The following ISL1 variants were observed in gnomAD, a reference collection of about 807,000 sequenced individuals.
ISL1 encodes insulin gene enhancer protein ISL-1.
In ISL1, 4 loss-of-function variants were observed where a neutral mutation model predicts 35.3. That is an observed-to-expected ratio of 0.11 (90% confidence interval 0.06 to 0.26). The LOEUF (loss-of-function observed/expected upper bound fraction) is 0.26, where lower values mean the gene tolerates loss of function less well. ISL1 is among the 10% of genes least tolerant of loss of function. The pLI, the probability that ISL1 is intolerant of heterozygous loss-of-function variation, is 1.00. For synonymous variants in ISL1, 186 were observed against 172.3 expected (o/e 1.08, Z -0.62); for missense variants, 340 against 472.8 (o/e 0.72, Z 2.60).
intron 4 of ISL1, 112 bp downstream of exon 4, chr5:51,390,044 A>C: frequency 7.7e-7 from 1 of 1,305,006 alleles, no homozygotes; most frequent in South Asian, 1.4e-5. Context: ...CCTGGGCAGG[A>C]GTTTGGCCGG....
Position 51,391,369 on chromosome 5 carries a change from C to T in ISL1, c.861C>T (p.Tyr287=). ...CTAACCCAGTGGAAGTACAAAGTTA[C>T]CAGCCACCTTGGAAAGTACTGAGCG... is the stretch of plus-strand genomic sequence containing the variant. ...LQANPVEVQS[Y]QPPWKVLSDF... The change falls in exon 5 of 6, where the codon TAC becomes TAT. Residue 287 remains tyrosine, a synonymous_variant. Transcript: ENST00000230658. The T allele has an allele frequency of 1.2e-6, 2 of 1,614,192 alleles. No homozygotes were observed. The highest frequency in any genetic ancestry group is 8.5e-7 in the Non-Finnish European group (1 of 1,180,044).
At position 51,389,549 on chromosome 5, in the gene ISL1, G is replaced by A. The variant is rs1220285254; in HGVS notation, c.479-97G>A. 7.9e-6 allele frequency: 9 copies of A among 1,136,256 alleles called. No individual in the cohort carries two copies. Among genetic ancestry groups the A allele is most frequent in the Non-Finnish European group, 1.0e-5 (9 of 869,946 alleles). 70.4% of individuals were successfully genotyped at this position (1,136,256 alleles called of 1,614,324 possible). A position where few individuals can be genotyped will look rare whatever the true frequency, so the allele number is the denominator to read the frequency against. On this transcript the variant is annotated intron_variant, in intron 3 of 5. Coordinates refer to ENST00000230658, the MANE Select transcript of ISL1 (RefSeq NM_002202.3). The surrounding 1 kb of genome is among the most constrained non-coding windows in gnomAD (Gnocchi z 5.0). Reference sequence around the variant, plus strand: ...GGCGGGCGAGCAAGTAAGCGGGCGGGCGGGCGGGCAAGCGAGCGAGCGAGC... The same window carrying A: ...GGCGGGCGAGCAAGTAAGCGGGCGGACGGGCGGGCAAGCGAGCGAGCGAGC...
Position 51,393,582 on chromosome 5 carries a change from G to T in ISL1, c.1022G>T (p.Ser341Ile). 1.2e-6 allele frequency: 2 copies of T among 1,610,372 alleles called. No individual in the cohort carries two copies. Among genetic ancestry groups the T allele is most frequent in the Non-Finnish European group, 1.7e-6 (2 of 1,176,600 alleles). Residue 341 changes from serine to isoleucine, a missense_variant, in exon 6 of 6, where the codon AGC becomes ATC. By Grantham distance (142) the Ser-to-Ile change is moderately radical. This residue lies in a region of ISL1 where 104 missense variants were observed against 97.3 expected (regional missense o/e 1.07). Transcript: ENST00000230658. ...TCTCAACTTCCAGATACACCTAACA[G>T]CATGGTAGCCAGTCCTATTGAGGCA... ...MSSQLPDTPN[S>I]MVASPIEA
chr5:51,386,972 C>T (rs1350632863), intron 2 of ISL1, among the ~76,000 whole-genome samples: 1 of 152,062 alleles, frequency 6.6e-6, no homozygotes, highest in Non-Finnish European at 1.5e-5. Context: ...CCTTCTCCTA[C>T]CTCCTTTTTT....
rs1380961802 is a variant in ISL1, at chr5:51,387,183, C to T, written c.219-307C>T. Among the ~76,000 whole-genome samples, 1 of 151,734 alleles carries T rather than the reference C, an allele frequency of 6.6e-6. No individual in the cohort carries two copies. The highest frequency in any genetic ancestry group is 1.5e-5 in the Non-Finnish European group (1 of 68,002). ...ACCCATCAATACATTTTCTGTGGTA[C>T]AAGCTAGGTGTTTTGAGCTAAGAGT... On this transcript the variant is annotated intron_variant, in intron 2 of 5. Coordinates refer to ENST00000230658, the MANE Select transcript of ISL1 (RefSeq NM_002202.3). The surrounding 1 kb of genome is among the most constrained non-coding windows in gnomAD (Gnocchi z 4.3).
chr5:51,390,642 CTTTTTTTTT>C (rs57707586), intron 4 of ISL1, among the ~76,000 whole-genome samples: 171 of 40,174 alleles, frequency 4.3e-3, no homozygotes, highest in Admixed American at 4.5e-3. Flanking sequence ...CTTTCTTTTT[CTTTTTTTTT>C]TTTTTTTTTT....
chr5:51,384,966 CTTGTTTAATTACTCTTGGAGT>C (rs1747308759), intron 2 of ISL1, among the ~76,000 whole-genome samples: 1 of 152,150 alleles, frequency 6.6e-6, no homozygotes, highest in Admixed American at 6.5e-5. Flanking sequence ...GGTATTGAGG[CTTGTTTAATTACTCTTGGAGT>C]TTATGATGCA....
At chr5:51,393,048 C>T (rs1391064423) in intron 5 of ISL1, among the ~76,000 whole-genome samples, 1 of 152,148 alleles carries the variant, frequency 6.6e-6, no homozygotes, top group Non-Finnish European at 1.5e-5. Context: ...AGCCTCCTCT[C>T]AATCTCCTGT....
In ISL1 at chr5:51,389,292, A is replaced by C. The variant is rs1463454085; in HGVS notation, c.479-354A>C. 6.6e-6 allele frequency among the ~76,000 whole-genome samples: 1 copy of C among 151,694 alleles called. No individual in the cohort carries two copies. Among genetic ancestry groups the C allele is most frequent in the Non-Finnish European group, 1.5e-5 (1 of 67,950 alleles). ...AGGAGAAACAGTGCTGAAAAATGCCACCCCTGCTGTGAACAGGGGGACAGA... is the reference window on the plus strand; with the variant it reads ...AGGAGAAACAGTGCTGAAAAATGCCCCCCCTGCTGTGAACAGGGGGACAGA... On this transcript the variant is annotated intron_variant, in intron 3 of 5. Transcript: ENST00000230658. The surrounding 1 kb of genome is among the most constrained non-coding windows in gnomAD (Gnocchi z 5.0).
In ISL1 at chr5:51,393,389, T is replaced by A. The variant is rs74437520; in HGVS notation, c.934-105T>A. Reference sequence around the variant, plus strand: ...AGTTATCTATGTGAATATCTTTACATATCTATCTACACAAACATTTCTACA... The same window carrying A: ...AGTTATCTATGTGAATATCTTTACAAATCTATCTACACAAACATTTCTACA... On this transcript the variant is annotated intron_variant, in intron 5 of 5. Coordinates refer to ENST00000230658, the MANE Select transcript of ISL1 (RefSeq NM_002202.3). 2,314 of 759,076 alleles carry A rather than the reference T, an allele frequency of 3.0e-3. 46 individuals are homozygous for A. The African/African-American group carries it at 0.037, about 12-fold the overall frequency. 47.0% of individuals were successfully genotyped at this position (759,076 alleles called of 1,614,324 possible).
chr5:51,388,325 G>A lies in ISL1; in HGVS notation c.478+576G>A, dbSNP rs566818384. On this transcript the variant is annotated intron_variant, in intron 3 of 5. Coordinates refer to ENST00000230658, the MANE Select transcript of ISL1 (RefSeq NM_002202.3). ...TTTAAAAACTGCAGGCCATTGCACA[G>A]AGTTGTAATATAAAACTGTCAACAA... 3.3e-5 allele frequency among the ~76,000 whole-genome samples: 5 copies of A among 152,310 alleles called. 1 individual carries two copies. The highest frequency in any genetic ancestry group is 3.3e-4 in the Admixed American group (5 of 15,298).
At position 51,385,264 on chromosome 5, in the gene ISL1, A is replaced by T. The variant is rs138240382; in HGVS notation, c.218+534A>T. Among the ~76,000 whole-genome samples, 1,021 of 152,258 alleles carry T rather than the reference A, an allele frequency of 6.7e-3. 20 individuals carry two copies. Among genetic ancestry groups the T allele is most frequent in the African/African-American group, 0.023 (960 of 41,550 alleles). The stretch of plus-strand genomic sequence containing the variant: ...TTGCTCCTTTTATTTTTGGGGTAAG[A>T]CCTCCTTCTGAGAAAAATTTAAAAC... On this transcript the variant is annotated intron_variant, in intron 2 of 5. Coordinates refer to ENST00000230658, the MANE Select transcript of ISL1 (RefSeq NM_002202.3).
rs2111847919 is a variant in ISL1, at chr5:51,389,647, G to A, written c.480G>A (p.Ala160=). 5.0e-6 allele frequency: 8 copies of A among 1,607,838 alleles called. 1 individual carries two copies. Among genetic ancestry groups the A allele is most frequent in the Non-Finnish European group, 6.8e-6 (8 of 1,179,218 alleles). The change falls in exon 4 of 6, where the codon GCG becomes GCA. Residue 160 remains alanine (A), a splice_region_variant and synonymous_variant. Coordinates refer to ENST00000230658, the MANE Select transcript of ISL1 (RefSeq NM_002202.3). This position sits in a 1 kb window ranked among gnomAD's most constrained non-coding sequence, Gnocchi z 5.0. ...LHPARPLQMA[A]EPISARQPAL... ...CTCACGGCGCTCCTTGCCCCGCAGC[G>A]GAGCCCATCTCCGCCAGGCAGCCAG... is the stretch of plus-strand genomic sequence containing the variant.
Position 51,389,611 on chromosome 5 carries a change from C to G in ISL1, c.479-35C>G, listed in dbSNP as rs1747436492. On this transcript the variant is annotated intron_variant, in intron 3 of 5. Transcript: ENST00000230658. The surrounding 1 kb of genome is among the most constrained non-coding windows in gnomAD (Gnocchi z 5.0). ...CGCGGGCGGGCCGGCAAGCGAGCCTCCAGCCCAGCGCTCACGGCGCTCCTT... is the reference window on the plus strand; with the variant it reads ...CGCGGGCGGGCCGGCAAGCGAGCCTGCAGCCCAGCGCTCACGGCGCTCCTT... 6.4e-7 allele frequency: 1 copy of G among 1,574,258 alleles called. No homozygotes were observed. The highest frequency in any genetic ancestry group is 2.3e-5 in the East Asian group (1 of 43,148).
rs1747475980 is a variant in ISL1 at position 51,390,636 on chromosome 5, C to CCTTTTTTTTTTTTTTTTTTTTTTT, written c.766-638_766-637insCTTTTTTTTTTTTTTTTTTTTTTT. Among the ~76,000 whole-genome samples the CCTTTTTTTTTTTTTTTTTTTTTTT allele has an allele frequency of 4.0e-4, 30 of 74,324 alleles. 1 individual carries two copies. Among genetic ancestry groups the CCTTTTTTTTTTTTTTTTTTTTTTT allele is most frequent in the African/African-American group, 1.2e-3 (29 of 23,648 alleles). 48.8% of individuals were successfully genotyped at this position (74,324 alleles called of 152,430 possible). On this transcript the variant is annotated intron_variant, in intron 4 of 5. Transcript: ENST00000230658. Reference sequence around the variant, plus strand: ...TTTTCTTCCTTTTTTTCTTTTCTTTCTTTTTCTTTTTTTTTTTTTTTTTTT... The same window carrying CCTTTTTTTTTTTTTTTTTTTTTTT: ...TTTTCTTCCTTTTTTTCTTTTCTTTCCTTTTTTTTTTTTTTTTTTTTTTTTTTTTCTTTTTTTTTTTTTTTTTTT...
intron 5 of ISL1, among the ~76,000 whole-genome samples, chr5:51,392,849 A>C (rs549513648): frequency 6.6e-6 from 1 of 152,288 alleles, no homozygotes; most frequent in East Asian, 1.9e-4. Flanking sequence ...TCAGATATTT[A>C]AGAAGGAGTC....
rs774986869 is a variant in ISL1 at position 51,393,599 on chromosome 5, A to T, written c.1039A>T (p.Ile347Phe). 1.1e-5 allele frequency: 18 copies of T among 1,588,786 alleles called. No homozygotes were observed. The highest frequency in any genetic ancestry group is 8.6e-7 in the Non-Finnish European group (1 of 1,157,016). ...ACCTAACAGCATGGTAGCCAGTCCTATTGAGGCATGAGGAACATTCATTCT... is the reference window on the plus strand; with the variant it reads ...ACCTAACAGCATGGTAGCCAGTCCTTTTGAGGCATGAGGAACATTCATTCT... ...DTPNSMVASP[I>F]EA is the part of the protein sequence containing the mutation. The change falls in exon 6 of 6, where the codon ATT becomes TTT. Residue 347 changes from isoleucine (I) to phenylalanine (F), a missense_variant. Physicochemically the swap from Ile to Phe is conservative, Grantham distance 21. Transcript: ENST00000230658.
rs181495744 is a variant in ISL1 at position 51,389,296 on chromosome 5, C to T, written c.479-350C>T. On this transcript the variant is annotated intron_variant, in intron 3 of 5. Coordinates refer to ENST00000230658, the MANE Select transcript of ISL1 (RefSeq NM_002202.3). This position sits in a 1 kb window ranked among gnomAD's most constrained non-coding sequence, Gnocchi z 5.0. ...GAAACAGTGCTGAAAAATGCCACCC[C>T]TGCTGTGAACAGGGGGACAGACTTT... Among the ~76,000 whole-genome samples the T allele has an allele frequency of 6.6e-6, 1 of 152,250 alleles. No individual in the cohort carries two copies. Among genetic ancestry groups the T allele is most frequent in the East Asian group, 1.9e-4 (1 of 5,152 alleles).
Position 51,387,410 on chromosome 5 carries a change from G to T in ISL1, c.219-80G>T. 1 of 1,507,900 alleles carries T rather than the reference G, an allele frequency of 6.6e-7. No homozygotes were observed. The highest frequency in any genetic ancestry group is 1.8e-5 in the Admixed American group (1 of 55,292). 93.4% of individuals were successfully genotyped at this position (1,507,900 alleles called of 1,614,324 possible). A position where few individuals can be genotyped will look rare whatever the true frequency, so the allele number is the denominator to read the frequency against. ...TTGCCCGGGATCTTGGGCCAGGGAA[G>T]TGCCGGCCTGAAGTGACCCCCTCTT... is the stretch of plus-strand genomic sequence containing the variant. On this transcript the variant is annotated intron_variant, in intron 2 of 5. Coordinates refer to ENST00000230658, the MANE Select transcript of ISL1 (RefSeq NM_002202.3). The surrounding 1 kb of genome is among the most constrained non-coding windows in gnomAD (Gnocchi z 4.3).
Sources: gnomAD v4.1 joint callset for allele counts (sites outside exome capture counted in the v4.1 genomes callset) on GRCh38, gnomAD v4.1.1 for gene constraint, gnomAD v4.1.1 regional missense constraint, Gnocchi (gnomAD v3.1) non-coding constraint, MANE v1.5 for transcripts, NCBI Gene and HGNC (gene_info 2026-07-23, HGNC 2026-07-21) for gene names.